AFF3: variants seen among roughly 807,000 people sequenced by gnomAD.
AFF3 encodes the protein ALF transcription elongation factor 3, also known as AF4/FMR2 family member 3.
AFF3 carries 32 observed loss-of-function variants against 129.7 expected under a neutral mutation model. That is an observed-to-expected ratio of 0.25 (90% CI 0.19 to 0.33). The LOEUF (loss-of-function observed/expected upper bound fraction) is 0.33, where lower values mean the gene tolerates loss of function less well. AFF3 is among the 10% of genes least tolerant of loss of function. AFF3 has a pLI of 1.00. For synonymous variants in AFF3, 644 were observed against 635.4 expected (o/e 1.01, Z -0.20); for missense variants, 1,373 against 1,592.0 (o/e 0.86, Z 2.34).
At chr2:99,744,053 GCCCCCA>G in intron 10 of AFF3, 45 bp downstream of exon 10, 1 of 1,457,750 alleles carries the variant, frequency 6.9e-7, no homozygotes, top group Non-Finnish European at 9.5e-7. Flanking sequence ...TCTGCCCTCT[GCCCCCA>G]CCCCCTGCTC....
At chr2:100,066,339 G>A (rs1199223979) in intron 4 of AFF3, among the ~76,000 whole-genome samples, 1 of 152,066 alleles carries the variant, frequency 6.6e-6, no homozygotes, top group East Asian at 1.9e-4. Flanking sequence ...AGGAAGGGGT[G>A]GTATCTGAAT....
intron 4 of AFF3, among the ~76,000 whole-genome samples, chr2:100,070,857 T>C (rs1688124932): frequency 8.5e-6 from 1 of 117,622 alleles, no homozygotes; most frequent in South Asian, 2.7e-4. Context: ...CCTGAAGACA[T>C]TTTTTTCACG....
Position 100,119,700 on chromosome 2 carries a change from CA to C in AFF3, c.-145+9523del, listed in dbSNP as rs199990844. On this transcript the variant is annotated intron_variant, in intron 2 of 24. Coordinates refer to ENST00000672756, the MANE Select transcript of AFF3 (RefSeq NM_001386135.1). Reference sequence around the variant, plus strand: ...AGGCACTGTCATTATCCCCATTTTACAGGGAAGAAAGTGTGGTTTACAGGGG... The same window carrying C: ...AGGCACTGTCATTATCCCCATTTTACGGGAAGAAAGTGTGGTTTACAGGGG... Among the ~76,000 whole-genome samples the C allele has an allele frequency of 1.4e-3, 216 of 152,304 alleles. 3 individuals carry two copies. In the East Asian group the frequency reaches 0.032, roughly 22 times the overall value.
At chr2:99,848,741 C>T (rs1689919529) in intron 7 of AFF3, among the ~76,000 whole-genome samples, 1 of 152,126 alleles carries the variant, frequency 6.6e-6, no homozygotes, top group South Asian at 2.1e-4. Context: ...TTCTATCTAA[C>T]GCCATGACTT....
intron 7 of AFF3, among the ~76,000 whole-genome samples, chr2:99,900,365 G>A (rs1018442418): frequency 1.4e-4 from 22 of 152,174 alleles, no homozygotes; most frequent in African/African-American, 5.3e-4. Flanking sequence ...TCACCTCTAA[G>A]AGGGCTCTCA....
chr2:99,807,740 T>C (rs965318587), intron 8 of AFF3, among the ~76,000 whole-genome samples: 4 of 152,190 alleles, frequency 2.6e-5, no homozygotes, highest in Admixed American at 6.5e-5. Context: ...GCACAGTTCC[T>C]GCTTATCGCT....
chr2:99,594,111 C>G lies in AFF3; in HGVS notation c.1550G>C (p.Ser517Thr). ...GCTCTTGATCTCCTTCTCTCTCAGG[C>G]TGGGCTGGCAAACGTCGGGGACTTT... Reference protein sequence around the residue: ...CGKVPDVCQPSLREKEIKSTC... With the variant: ...CGKVPDVCQPTLREKEIKSTC... The change falls in exon 15 of 25, where the codon AGC (serine) becomes ACC (threonine). Residue 517 changes from serine to threonine, a missense_variant. By Grantham distance (58) the Ser-to-Thr change is moderately conservative. Coordinates refer to ENST00000672756, the MANE Select transcript of AFF3 (RefSeq NM_001386135.1). The G allele has an allele frequency of 6.2e-7, 1 of 1,614,074 alleles. No homozygotes were observed. Among genetic ancestry groups the G allele is most frequent in the Middle Eastern group, 1.6e-4 (1 of 6,062 alleles).
intron 7 of AFF3, among the ~76,000 whole-genome samples, chr2:99,984,181 A>G (rs1005387030): frequency 1.3e-5 from 2 of 152,234 alleles, no homozygotes; most frequent in Admixed American, 1.3e-4. Flanking sequence ...GTGTTAAGGC[A>G]ATTGTGGCTA....
chr2:99,933,287 G>T lies in AFF3; in HGVS notation c.873+73345C>A, dbSNP rs1187009450. 2.0e-5 allele frequency among the ~76,000 whole-genome samples: 3 copies of T among 152,104 alleles called. No homozygotes were observed. The South Asian group carries it at 6.2e-4, about 31-fold the overall frequency. On this transcript the variant is annotated intron_variant, in intron 7 of 24. Transcript: ENST00000672756. ...TTTGAGAACTCATCAAGAAAGCAAG[G>T]GGCTTAAACTTGAGACATAGTATTT...
chr2:99,954,809 A>G (rs1413935181), intron 7 of AFF3, among the ~76,000 whole-genome samples: 2 of 151,368 alleles, frequency 1.3e-5, no homozygotes, highest in Non-Finnish European at 2.9e-5. Flanking sequence ...AGATATACCT[A>G]AAGCTAAATG....
At chr2:99,768,302 G>A (rs1683185308) in intron 8 of AFF3, among the ~76,000 whole-genome samples, 1 of 152,142 alleles carries the variant, frequency 6.6e-6, no homozygotes, top group Non-Finnish European at 1.5e-5. Context: ...TGCAGATAAT[G>A]TCAATGGTGA....
chr2:99,725,195 G>A (rs986649685), intron 11 of AFF3, among the ~76,000 whole-genome samples: 2 of 151,694 alleles, frequency 1.3e-5, no homozygotes, highest in Non-Finnish European at 2.9e-5. Flanking sequence ...GGCTAGTTTC[G>A]AACTCCTGAC....
chr2:99,741,123 G>A (rs1444764235), intron 10 of AFF3, among the ~76,000 whole-genome samples: 4 of 152,124 alleles, frequency 2.6e-5, no homozygotes, highest in South Asian at 2.1e-4. Flanking sequence ...GACATGCGGC[G>A]TTATTTCTGG....
chr2:99,823,262 C>T (rs1367852038), intron 8 of AFF3, among the ~76,000 whole-genome samples: 1 of 151,966 alleles, frequency 6.6e-6, no homozygotes, highest in African/African-American at 2.4e-5. Flanking sequence ...TCCCCAACCC[C>T]CCGCCCGCCC....
At chr2:99,876,220 C>T (rs1004523628) in intron 7 of AFF3, among the ~76,000 whole-genome samples, 2 of 152,158 alleles carry the variant, frequency 1.3e-5, no homozygotes, top group Non-Finnish European at 2.9e-5. Context: ...CCTGAATGTG[C>T]ATCTCCAGCC....
At chr2:99,949,474 A>G (rs142862798) in intron 7 of AFF3, among the ~76,000 whole-genome samples, 2 of 152,004 alleles carry the variant, frequency 1.3e-5, no homozygotes, top group African/African-American at 4.8e-5. Flanking sequence ...TTCTATTATT[A>G]TTACATTATA....
intron 7 of AFF3, among the ~76,000 whole-genome samples, chr2:99,925,704 G>A (rs577919808): frequency 2.6e-5 from 4 of 152,344 alleles, no homozygotes; most frequent in Admixed American, 1.3e-4. Context: ...GGCTGTCTGG[G>A]CAGAGCATGC....
intron 11 of AFF3, among the ~76,000 whole-genome samples, chr2:99,723,249 T>G (rs1558786847): frequency 6.6e-6 from 1 of 152,282 alleles, no homozygotes; most frequent in East Asian, 1.9e-4. Context: ...ATTACTCGGG[T>G]GTTGTCCAGA....
intron 7 of AFF3, among the ~76,000 whole-genome samples, chr2:99,853,209 T>C (rs1203353129): frequency 2.0e-5 from 3 of 152,174 alleles, no homozygotes; most frequent in Non-Finnish European, 2.9e-5. Flanking sequence ...TCAGCAACCA[T>C]ATGGCCCTAC....
Sources: gnomAD v4.1 joint callset for allele counts (sites outside exome capture counted in the v4.1 genomes callset) on GRCh38, gnomAD v4.1.1 for gene constraint, MANE v1.5 for transcripts, NCBI Gene and HGNC (gene_info 2026-07-23, HGNC 2026-07-21) for gene names.